ENTREP2: variants seen among roughly 807,000 people sequenced by gnomAD.
The protein encoded by ENTREP2 is protein ENTREP2.
the ENTREP2 span, among the ~76,000 whole-genome samples, chr15:29,532,295 T>G: frequency 6.6e-6 from 1 of 152,252 alleles, no homozygotes; most frequent in Non-Finnish European, 1.5e-5. Context: ...CTTTGAAATA[T>G]ATTTTACACA....
the ENTREP2 span, among the ~76,000 whole-genome samples, chr15:29,552,308 G>T: frequency 6.6e-6 from 1 of 152,152 alleles, no homozygotes; most frequent in Admixed American, 6.5e-5. Flanking sequence ...TTTAAGAGTT[G>T]CTAAATCAAG....
chr15:29,145,438 C>T, the ENTREP2 span, among the ~76,000 whole-genome samples: 54 of 151,852 alleles, frequency 3.6e-4, no homozygotes, highest in East Asian at 7.9e-3. Context: ...CTGGCTAACA[C>T]GGTGAAACCC....
chr15:29,144,171 G>A, the ENTREP2 span, among the ~76,000 whole-genome samples: 2 of 152,120 alleles, frequency 1.3e-5, no homozygotes, highest in Non-Finnish European at 2.9e-5. Context: ...TGGGACTAGT[G>A]GTTGCCTGGT....
the ENTREP2 span, among the ~76,000 whole-genome samples, chr15:29,421,541 G>A: frequency 6.6e-6 from 1 of 152,076 alleles, no homozygotes; most frequent in East Asian, 1.9e-4. Context: ...GGAACTACTG[G>A]GTTTTCCTAT....
chr15:29,616,023 A>G, the ENTREP2 span, among the ~76,000 whole-genome samples: 1 of 152,350 alleles, frequency 6.6e-6, no homozygotes, highest in Admixed American at 6.5e-5. Context: ...AGCAGCTGCC[A>G]TCGCCCAGGC....
At chr15:29,577,653 C>T in the ENTREP2 span, among the ~76,000 whole-genome samples, 3 of 152,162 alleles carry the variant, frequency 2.0e-5, no homozygotes, top group African/African-American at 7.2e-5. Context: ...ATGTTCATAG[C>T]ATCATTATTC....
At chr15:29,615,159 CTTTT>C in the ENTREP2 span, among the ~76,000 whole-genome samples, 1 of 142,302 alleles carries the variant, frequency 7.0e-6, no homozygotes. Context: ...ATTTTTTTTT[CTTTT>C]TTTTTTTTTT....
the ENTREP2 span, among the ~76,000 whole-genome samples, chr15:29,201,199 A>C: frequency 6.6e-6 from 1 of 152,160 alleles, no homozygotes; most frequent in South Asian, 2.1e-4. Context: ...TTCTACATAG[A>C]TACTCATGTC....
At chr15:29,224,437 T>A in the ENTREP2 span, among the ~76,000 whole-genome samples, 1 of 152,178 alleles carries the variant, frequency 6.6e-6, no homozygotes, top group Non-Finnish European at 1.5e-5. Flanking sequence ...TTTAGTCTTA[T>A]TTGGCCCCAC....
chr15:29,386,409 C>T, the ENTREP2 span, among the ~76,000 whole-genome samples: 32 of 152,298 alleles, frequency 2.1e-4, no homozygotes, highest in East Asian at 3.9e-4. Context: ...ACCGAAGAAG[C>T]GAACCACACC....
At chr15:29,674,132 G>GGGT in the ENTREP2 span, among the ~76,000 whole-genome samples, 6 of 145,598 alleles carry the variant, frequency 4.1e-5, no homozygotes, top group South Asian at 1.3e-3. Context: ...AGAGGATGGG[G>GGGT]GGGGGGGGGG....
the ENTREP2 span, among the ~76,000 whole-genome samples, chr15:29,227,050 G>A: frequency 6.4e-3 from 972 of 152,292 alleles, 13 homozygotes; most frequent in African/African-American, 0.022. Flanking sequence ...GACATTTCCC[G>A]AGTTACTGCC....
chr15:29,503,243 T>A, the ENTREP2 span, among the ~76,000 whole-genome samples: 1 of 152,164 alleles, frequency 6.6e-6, no homozygotes, highest in African/African-American at 2.4e-5. Context: ...TATATACATA[T>A]GGAATGTCAT....
the ENTREP2 span, among the ~76,000 whole-genome samples, chr15:29,159,279 A>T: frequency 6.6e-6 from 1 of 151,906 alleles, no homozygotes. Flanking sequence ...GAAGTTGCTC[A>T]TTCCTCCCGA....
chr15:29,509,230 C>T, the ENTREP2 span, among the ~76,000 whole-genome samples: 1 of 152,222 alleles, frequency 6.6e-6, no homozygotes, highest in East Asian at 1.9e-4. Flanking sequence ...AACTACAAAC[C>T]ACTGCTCAAG....
the ENTREP2 span, among the ~76,000 whole-genome samples, chr15:29,639,475 G>A: frequency 6.6e-6 from 1 of 152,114 alleles, no homozygotes. Flanking sequence ...TAAAAAATAA[G>A]TCAAATGCTG....
the ENTREP2 span, among the ~76,000 whole-genome samples, chr15:29,337,319 G>T: frequency 1.3e-5 from 2 of 152,228 alleles, no homozygotes; most frequent in African/African-American, 4.8e-5. Flanking sequence ...GGATCTGTGT[G>T]GGGGCATGGA....
the ENTREP2 span, among the ~76,000 whole-genome samples, chr15:29,377,864 A>ATAATAATAAT: frequency 0.02 from 2,116 of 103,236 alleles, 33 homozygotes; most frequent in Middle Eastern, 0.038. Context: ...AATAATAATA[A>ATAATAATAAT]AAAAATGAGC....
At chr15:29,570,400 CG>C in the ENTREP2 span, 1 of 717,844 alleles carries the variant, frequency 1.4e-6, no homozygotes, top group Non-Finnish European at 1.9e-6. Flanking sequence ...CGGCGTTGGC[CG>C]CCGGAACTTG....
Sources: gnomAD v4.1 joint callset for allele counts (sites outside exome capture counted in the v4.1 genomes callset) on GRCh38, gnomAD v4.1.1 for gene constraint, MANE v1.5 for transcripts, NCBI Gene and HGNC (gene_info 2026-07-23, HGNC 2026-07-21) for gene names.